The following CDC73 variants were observed in gnomAD, a reference collection of about 807,000 sequenced individuals.
CDC73 encodes parafibromin.
A neutral mutation model predicts 83.7 loss-of-function variants in CDC73; 21 were observed. The observed-to-expected ratio is 0.25, with a 90% CI of 0.18 to 0.36. The LOEUF is 0.36. CDC73 is among the 10% of genes least tolerant of loss of function. The pLI is 1.00. For synonymous variants in CDC73, 224 were observed against 212.9 expected, an observed-to-expected ratio of 1.05 and a Z score of -0.45; for missense variants, 342 against 653.3, an observed-to-expected ratio of 0.52 and a Z score of 5.19.
At chr1:193,208,258 A>G (rs1677221936) in intron 11 of CDC73, among the ~76,000 whole-genome samples, 1 of 152,216 alleles carries the variant, frequency 6.6e-6, no homozygotes, top group Non-Finnish European at 1.5e-5. Context: ...CAACTCAAGT[A>G]GAAACCATCA....
intron 15 of CDC73, among the ~76,000 whole-genome samples, chr1:193,239,897 T>A (rs756955499): frequency 1.1e-4 from 17 of 152,200 alleles, no homozygotes; most frequent in Non-Finnish European, 2.4e-4. Flanking sequence ...GTCCTGCACA[T>A]GTACCCCAGA....
rs780309958 is a variant in CDC73 at position 193,239,024 on chromosome 1, CAAG to C, written c.1417+2673_1417+2675del. On this transcript the variant is annotated intron_variant, in intron 15 of 16. Transcript: ENST00000367435. ...TCTCCCATAATTTTAAATACCCTCT[CAAG>C]AAGATCTCATAGCTTTCAATTACCA... 2.0e-5 allele frequency among the ~76,000 whole-genome samples: 3 copies of C among 152,298 alleles called. No homozygotes were observed. In the South Asian group the frequency reaches 6.2e-4, roughly 32 times the overall value.
At chr1:193,226,233 C>G (rs564765935) in intron 13 of CDC73, among the ~76,000 whole-genome samples, 10 of 152,200 alleles carry the variant, frequency 6.6e-5, no homozygotes, top group Non-Finnish European at 1.2e-4. Flanking sequence ...TGGCAAAATA[C>G]TTACAGTTGG....
chr1:193,242,913 T>C (rs1232159782), intron 15 of CDC73, among the ~76,000 whole-genome samples: 1 of 152,088 alleles, frequency 6.6e-6, no homozygotes, highest in Non-Finnish European at 1.5e-5. Context: ...AAAACTGGCT[T>C]CTTACAAAAG....
chr1:193,195,884 C>G (rs949586628), intron 10 of CDC73, among the ~76,000 whole-genome samples: 2 of 152,072 alleles, frequency 1.3e-5, no homozygotes, highest in African/African-American at 4.8e-5. Flanking sequence ...TGCAGGAGTT[C>G]TTTATATAGT....
At position 193,249,734 on chromosome 1, in the gene CDC73, A is replaced by G. The variant is rs1316111642; in HGVS notation, c.1422A>G (p.Lys474=). 1.3e-5 allele frequency: 21 copies of G among 1,608,222 alleles called. No homozygotes were observed. The highest frequency in any genetic ancestry group is 1.8e-5 in the Non-Finnish European group (21 of 1,175,016). The change falls in exon 16 of 17, where the codon AAA becomes AAG. Residue 474 remains lysine (K), a synonymous_variant. Coordinates refer to ENST00000367435, the MANE Select transcript of CDC73 (RefSeq NM_024529.5). ...GSPVDIFAKI[K]AFHLKYDEVR... ...TTCTCTCCACCCTCTCTATAGTTAA[A>G]GCCTTCCATCTGAAGTATGATGAAG...
rs569501595 is a variant in CDC73, at chr1:193,164,466, A to G, written c.972+12022A>G. On this transcript the variant is annotated intron_variant, in intron 10 of 16. Coordinates refer to ENST00000367435, the MANE Select transcript of CDC73 (RefSeq NM_024529.5). ...AGCATTTGAAATCAAATGCTGATTT[A>G]TTAATTTGCAGTGATAAATGTAATT... Among the ~76,000 whole-genome samples the G allele has an allele frequency of 9.2e-5, 14 of 152,296 alleles. No individual in the cohort carries two copies. The East Asian group carries it at 1.7e-3, about 19-fold the overall frequency.
intron 10 of CDC73, among the ~76,000 whole-genome samples, chr1:193,170,713 A>G (rs1676505162): frequency 1.3e-5 from 2 of 152,014 alleles, no homozygotes; most frequent in Non-Finnish European, 2.9e-5. Context: ...AAATTTTCCC[A>G]TATTTTGTTG....
intron 15 of CDC73, among the ~76,000 whole-genome samples, chr1:193,238,464 C>T (rs138653253): frequency 0.012 from 1,861 of 152,296 alleles, 19 homozygotes; most frequent in South Asian, 0.034. Flanking sequence ...TGTTAACTTA[C>T]CAGAATTTGA....
At chr1:193,132,717 G>T (rs2103119661) in intron 3 of CDC73, among the ~76,000 whole-genome samples, 1 of 150,882 alleles carries the variant, frequency 6.6e-6, no homozygotes, top group Admixed American at 6.6e-5. Context: ...GGTTTTTTTT[G>T]TTTGTTTGTT....
chr1:193,216,052 A>G (rs147504250), intron 13 of CDC73, among the ~76,000 whole-genome samples: 91 of 152,342 alleles, frequency 6.0e-4, no homozygotes, highest in Admixed American at 1.1e-3. Context: ...AAGAACTAGA[A>G]GAACAAGAGC....
At chr1:193,231,283 G>C (rs190645597) in intron 13 of CDC73, among the ~76,000 whole-genome samples, 8 of 152,256 alleles carry the variant, frequency 5.3e-5, no homozygotes, top group African/African-American at 1.9e-4. Context: ...ACTTAAAACA[G>C]TTTAAATCCC....
chr1:193,124,441 A>C (rs561273992), intron 1 of CDC73, among the ~76,000 whole-genome samples: 1 of 152,196 alleles, frequency 6.6e-6, no homozygotes, highest in Non-Finnish European at 1.5e-5. Context: ...TTTAGGGCTG[A>C]TTATAGTGGA....
At position 193,212,407 on chromosome 1, in the gene CDC73, A is replaced by G; in HGVS notation, c.1084A>G (p.Ile362Val). 6.2e-7 allele frequency: 1 copy of G among 1,604,762 alleles called. No individual in the cohort carries two copies. The highest frequency in any genetic ancestry group is 8.5e-7 in the Non-Finnish European group (1 of 1,173,992). Reference sequence around the variant, plus strand: ...CTTTATAGGATCTCGAACACCCATTATCATAATTCCTGCAGCTACCACCTC... The same window carrying G: ...CTTTATAGGATCTCGAACACCCATTGTCATAATTCCTGCAGCTACCACCTC... ...NQKKGSRTPI[I>V]IIPAATTSLI... Residue 362 changes from isoleucine to valine, a missense_variant, in exon 13 of 17, where the codon ATC becomes GTC. Ile to Val is a conservative substitution (Grantham distance 29). Coordinates refer to ENST00000367435, the MANE Select transcript of CDC73 (RefSeq NM_024529.5).
intron 10 of CDC73, among the ~76,000 whole-genome samples, chr1:193,158,334 C>T (rs1676243841): frequency 6.6e-6 from 1 of 151,190 alleles, no homozygotes; most frequent in Non-Finnish European, 1.5e-5. Flanking sequence ...AGGACTCATA[C>T]TTAGAAAGAA....
intron 11 of CDC73, among the ~76,000 whole-genome samples, chr1:193,204,245 ATATGTGTATG>A (rs1677144452): frequency 2.2e-5 from 3 of 135,518 alleles, no homozygotes; most frequent in Non-Finnish European, 4.6e-5. Flanking sequence ...ACACGTATAT[ATATGTGTATG>A]TGTGTGTGTG....
At chr1:193,249,229 A>C (rs1035733240) in intron 15 of CDC73, among the ~76,000 whole-genome samples, 2 of 152,078 alleles carry the variant, frequency 1.3e-5, no homozygotes, top group East Asian at 1.9e-4. Context: ...GGACTTGCTA[A>C]AGGCTCAGAT....
At chr1:193,235,222 C>A (rs1677736321) in intron 14 of CDC73, among the ~76,000 whole-genome samples, 1 of 152,108 alleles carries the variant, frequency 6.6e-6, no homozygotes, top group Non-Finnish European at 1.5e-5. Flanking sequence ...AGTGCCCTAG[C>A]ATAGTAATTT....
intron 15 of CDC73, chr1:193,236,705 AC>A (rs986387770): frequency 6.7e-6 from 2 of 297,454 alleles, no homozygotes; most frequent in African/African-American, 4.4e-5. Context: ...GACCAGCCTA[AC>A]CAACATGATG....
Sources: gnomAD v4.1 joint callset for allele counts (sites outside exome capture counted in the v4.1 genomes callset) on GRCh38, gnomAD v4.1.1 for gene constraint, MANE v1.5 for transcripts, NCBI Gene and HGNC (gene_info 2026-07-23, HGNC 2026-07-21) for gene names.